ALLC: variants seen among roughly 807,000 people sequenced by gnomAD.
The protein encoded by ALLC is probable inactive allantoicase.
Under a neutral mutation model 45.0 loss-of-function variants are expected in ALLC, and 40 were observed. That is an observed-to-expected ratio of 0.89 (90% confidence interval 0.69 to 1.16). ALLC has a LOEUF of 1.16. Ranked by LOEUF, ALLC falls within the 50% of genes most tolerant of loss-of-function variation. ALLC has a pLI of 0.00. For missense variants in ALLC, 488 were observed against 493.1 expected (o/e 0.99, Z 0.10); for synonymous variants, 176 against 178.1 (o/e 0.99, Z 0.09).
intron 3 of ALLC, among the ~76,000 whole-genome samples, chr2:3,675,740 A>C (rs1161749222): frequency 6.6e-6 from 1 of 152,222 alleles, no homozygotes; most frequent in Non-Finnish European, 1.5e-5. Flanking sequence ...TTCACCTCCA[A>C]CTTGAGTGCC....
the ALLC span, among the ~76,000 whole-genome samples, chr2:3,652,088 T>A: frequency 1.3e-5 from 2 of 152,220 alleles, no homozygotes; most frequent in African/African-American, 2.4e-5. Context: ...GAAAGCGTTT[T>A]GGGAGCTCGC....
chr2:3,676,556 C>T (rs1386491004), intron 3 of ALLC, among the ~76,000 whole-genome samples: 2 of 152,100 alleles, frequency 1.3e-5, no homozygotes, highest in African/African-American at 4.8e-5. Context: ...CCTAAACCTG[C>T]TTTTCTCACT....
intron 1 of ALLC, among the ~76,000 whole-genome samples, chr2:3,669,256 G>A (rs556456237): frequency 6.6e-6 from 1 of 152,108 alleles, no homozygotes; most frequent in Non-Finnish European, 1.5e-5. Context: ...GGTGGATCAC[G>A]AAGTCAGGAG....
the ALLC span, among the ~76,000 whole-genome samples, chr2:3,649,897 T>G: frequency 6.6e-6 from 1 of 152,260 alleles, no homozygotes; most frequent in Non-Finnish European, 1.5e-5. Context: ...GTGTTTTTCC[T>G]CATCAGTGTT....
At chr2:3,691,892 G>C (rs1667526925) in intron 7 of ALLC, among the ~76,000 whole-genome samples, 1 of 151,872 alleles carries the variant, frequency 6.6e-6, no homozygotes, top group Non-Finnish European at 1.5e-5. Flanking sequence ...CTATTCTTAA[G>C]AGCCTCTAAT....
intron 1 of ALLC, among the ~76,000 whole-genome samples, chr2:3,661,292 CAT>C (rs76926656): frequency 0.17 from 26,466 of 152,104 alleles, 2,559 homozygotes; most frequent in East Asian, 0.35. Flanking sequence ...ATGGTACACA[CAT>C]GTTTTGAAAA....
intron 1 of ALLC, 71 bp from the exon 2 acceptor site, chr2:3,671,025 C>A: frequency 1.2e-6 from 1 of 842,430 alleles, no homozygotes. Flanking sequence ...ATCTTAGCGT[C>A]AGGAGCCTAG....
At chr2:3,647,545 C>T in the ALLC span, among the ~76,000 whole-genome samples, 2 of 151,826 alleles carry the variant, frequency 1.3e-5, no homozygotes, top group South Asian at 2.1e-4. Flanking sequence ...TCTCCTGATG[C>T]CCCTGGGGGT....
At chr2:3,682,612 G>A (rs1667211166) in intron 6 of ALLC, among the ~76,000 whole-genome samples, 2 of 152,028 alleles carry the variant, frequency 1.3e-5, no homozygotes, top group Admixed American at 6.6e-5. Flanking sequence ...TGCAAGCTCC[G>A]CCTCCCAGGT....
At chr2:3,671,686 G>T (rs1426520960) in intron 2 of ALLC, among the ~76,000 whole-genome samples, 1 of 151,114 alleles carries the variant, frequency 6.6e-6, no homozygotes, top group Non-Finnish European at 1.5e-5. Flanking sequence ...TAGATCCGAG[G>T]TCCTCTGGCT....
intron 1 of ALLC, among the ~76,000 whole-genome samples, chr2:3,664,508 G>A (rs949104207): frequency 8.5e-5 from 13 of 152,112 alleles, no homozygotes; most frequent in Non-Finnish European, 1.9e-4. Context: ...GTCAGTGAGT[G>A]GACATCGATT....
At position 3,687,251 on chromosome 2, in the gene ALLC, T is replaced by C. The variant is rs1447238339; in HGVS notation, c.511+4177T>C. Among the ~76,000 whole-genome samples, 10 of 151,184 alleles carry C rather than the reference T, an allele frequency of 6.6e-5. 2 individuals are homozygous for C. In the East Asian group the frequency reaches 2.0e-3, roughly 30 times the overall value. ...GTGATGTGTCATGTTTATTGATTCATGTATGTTGAGACATGCTTGCCTTCC... is the reference window on the plus strand; with the variant it reads ...GTGATGTGTCATGTTTATTGATTCACGTATGTTGAGACATGCTTGCCTTCC... On this transcript the variant is annotated intron_variant, in intron 7 of 11. Transcript: ENST00000252505.
the ALLC span, among the ~76,000 whole-genome samples, chr2:3,646,217 A>G: frequency 6.6e-6 from 1 of 152,216 alleles, no homozygotes; most frequent in Non-Finnish European, 1.5e-5. Flanking sequence ...CCTCCCTGTA[A>G]CGGACCCACT....
At chr2:3,650,609 T>C in the ALLC span, among the ~76,000 whole-genome samples, 1 of 152,200 alleles carries the variant, frequency 6.6e-6, no homozygotes. Flanking sequence ...GGGTCAGCAG[T>C]GCGTGCACCT....
chr2:3,656,588 G>T (rs1666444613), upstream of ALLC, among the ~76,000 whole-genome samples: 1 of 131,754 alleles, frequency 7.6e-6, no homozygotes, highest in Non-Finnish European at 1.8e-5. Flanking sequence ...TGCCACGTCG[G>T]ATGGGGCAGC....
At chr2:3,647,292 C>G in the ALLC span, among the ~76,000 whole-genome samples, 1 of 133,602 alleles carries the variant, frequency 7.5e-6, no homozygotes, top group Non-Finnish European at 1.6e-5. Context: ...AGGCCTTTTT[C>G]AAGAGCATGC....
At chr2:3,652,458 G>T in the ALLC span, among the ~76,000 whole-genome samples, 5 of 152,172 alleles carry the variant, frequency 3.3e-5, no homozygotes, top group Non-Finnish European at 7.3e-5. Context: ...AAGGAGGCTG[G>T]GAAGCACATA....
chr2:3,655,200 G>A (rs1476409145), upstream of ALLC, among the ~76,000 whole-genome samples: 1 of 152,252 alleles, frequency 6.6e-6, no homozygotes, highest in Non-Finnish European at 1.5e-5. Context: ...CAGGGGTCAA[G>A]ACGTAAGTCA....
At chr2:3,670,557 G>A (rs1036319975) in intron 1 of ALLC, among the ~76,000 whole-genome samples, 2 of 152,150 alleles carry the variant, frequency 1.3e-5, no homozygotes, top group South Asian at 2.1e-4. Flanking sequence ...AATCTCCCTC[G>A]CTGGCCCCGT....
Sources: gnomAD v4.1 joint callset for allele counts (sites outside exome capture counted in the v4.1 genomes callset) on GRCh38, gnomAD v4.1.1 for gene constraint, MANE v1.5 for transcripts, NCBI Gene and HGNC (gene_info 2026-07-23, HGNC 2026-07-21) for gene names.